The following ILDR1 variants were observed in gnomAD, a reference collection of about 807,000 sequenced individuals.
ILDR1 encodes the protein immunoglobulin like domain containing receptor 1.
In ILDR1, 56 loss-of-function variants were observed where a neutral mutation model predicts 62.4. The observed-to-expected ratio is 0.90, with a 90% CI of 0.72 to 1.12. The LOEUF (loss-of-function observed/expected upper bound fraction) is 1.12, where lower values mean the gene tolerates loss of function less well. Ranked by LOEUF, ILDR1 falls within the 50% of genes most tolerant of loss-of-function variation. ILDR1 has a pLI of 0.00. For synonymous variants in ILDR1, 284 were observed against 277.8 expected (o/e 1.02, Z -0.22); for missense variants, 736 against 710.6 (o/e 1.04, Z -0.41).
chr3:122,041,367 C>T, the ILDR1 span, among the ~76,000 whole-genome samples: 1 of 152,152 alleles, frequency 6.6e-6, no homozygotes, highest in South Asian at 2.1e-4. Flanking sequence ...TCACTGTCTC[C>T]CTGTCTTGCC....
chr3:122,017,496 A>C (rs1185329022), intron 1 of ILDR1, among the ~76,000 whole-genome samples: 1 of 152,224 alleles, frequency 6.6e-6, no homozygotes, highest in Non-Finnish European at 1.5e-5. Flanking sequence ...TTGGGGCAAG[A>C]TGTTTAAACA....
chr3:122,028,782 T>C, the ILDR1 span, among the ~76,000 whole-genome samples: 1 of 152,244 alleles, frequency 6.6e-6, no homozygotes, highest in Non-Finnish European at 1.5e-5. Flanking sequence ...TAGCTAAGTA[T>C]TGGCAAACAT....
the ILDR1 span, among the ~76,000 whole-genome samples, chr3:122,031,782 A>AT: frequency 4.6e-5 from 7 of 152,184 alleles, no homozygotes; most frequent in Non-Finnish European, 1.0e-4. Context: ...TGAGAAACAA[A>AT]TTTCTGTTGT....
Position 121,993,729 on chromosome 3 carries a change from T to C in ILDR1, c.1020A>G (p.Ser340=). 6.2e-7 allele frequency: 1 copy of C among 1,614,090 alleles called. No homozygotes were observed. Among genetic ancestry groups the C allele is most frequent in the Non-Finnish European group, 8.5e-7 (1 of 1,179,978 alleles). Residue 340 remains serine, a synonymous_variant, in exon 7 of 8, where the codon TCA becomes TCG. Coordinates refer to ENST00000344209, the MANE Select transcript of ILDR1 (RefSeq NM_001199799.2). ...GGGAGTCACTGGTCCTCCTTGAGGA[T>C]GACAGGTCTCTGATCAGTGGGGGCA... is the stretch of plus-strand genomic sequence containing the variant. The part of the protein sequence containing the change: ...IHLPPLIRDL[S]SSRRTSDSLH...
At chr3:122,023,483 C>A (rs1042906870), upstream of ILDR1, among the ~76,000 whole-genome samples, 2 of 152,094 alleles carry the variant, frequency 1.3e-5, no homozygotes, top group Non-Finnish European at 2.9e-5. Flanking sequence ...CCTTAGAAGT[C>A]GATATTTTTT....
the ILDR1 span, among the ~76,000 whole-genome samples, chr3:122,061,653 T>G: frequency 1.3e-5 from 2 of 152,194 alleles, no homozygotes; most frequent in Non-Finnish European, 2.9e-5. Flanking sequence ...ACTACCTACC[T>G]ATAAAAATGG....
the ILDR1 span, among the ~76,000 whole-genome samples, chr3:122,056,438 G>C: frequency 6.6e-6 from 1 of 152,154 alleles, no homozygotes; most frequent in African/African-American, 2.4e-5. Flanking sequence ...GGATTCAAAC[G>C]ATTCTCCTTC....
chr3:122,003,004 C>T (rs1321977417), intron 3 of ILDR1, among the ~76,000 whole-genome samples: 1 of 152,204 alleles, frequency 6.6e-6, no homozygotes, highest in East Asian at 1.9e-4. Context: ...TAAATATTCA[C>T]TAAAGCCCTT....
At chr3:122,044,389 G>T in the ILDR1 span, among the ~76,000 whole-genome samples, 2 of 136,160 alleles carry the variant, frequency 1.5e-5, no homozygotes, top group Admixed American at 1.4e-4. Context: ...TTTTTTGGTT[G>T]TGTCTCTGCC....
the ILDR1 span, among the ~76,000 whole-genome samples, chr3:122,053,984 GAAGA>G: frequency 6.6e-6 from 1 of 151,952 alleles, no homozygotes; most frequent in Non-Finnish European, 1.5e-5. Flanking sequence ...CAATAATTTT[GAAGA>G]TAGATAACTT....
At chr3:122,000,233 C>G (rs1178768744) in intron 5 of ILDR1, among the ~76,000 whole-genome samples, 1 of 148,932 alleles carries the variant, frequency 6.7e-6, no homozygotes, top group Non-Finnish European at 1.5e-5. Flanking sequence ...GAGATGGCAG[C>G]CAAAAATTAA....
intron 1 of ILDR1, among the ~76,000 whole-genome samples, chr3:122,018,683 A>T (rs2071813094): frequency 6.6e-6 from 1 of 152,120 alleles, no homozygotes; most frequent in African/African-American, 2.4e-5. Context: ...TTGGGTCCAG[A>T]TTTCCTTATC....
rs201639358 is a variant in ILDR1, at chr3:121,993,249, G to C, written c.1500C>G (p.His500Gln). Residue 500 changes from histidine to glutamine, a missense_variant, in exon 7 of 8, where the codon CAC becomes CAG. Coordinates refer to ENST00000344209, the MANE Select transcript of ILDR1 (RefSeq NM_001199799.2). ...GCTTCTCCTCGGGCCAGTGTGGGGA[G>C]TGCGAGCCGCGGCGGTGGGCCCGCC... ...QSWRAHRRGSHSPHWPEEKPP... is the reference protein window; with the variant it reads ...QSWRAHRRGSQSPHWPEEKPP... 1.9e-6 allele frequency: 3 copies of C among 1,613,824 alleles called. No homozygotes were observed. The East Asian group carries it at 6.7e-5, about 36-fold the overall frequency.
chr3:122,005,244 G>T lies in ILDR1; in HGVS notation c.379C>A (p.Arg127=), dbSNP rs1178942461. Residue 127 remains arginine (R), a splice_region_variant and synonymous_variant, in exon 3 of 8, where the codon CGA becomes AGA. Transcript: ENST00000344209. The part of the protein sequence containing the change: ...YRQRKITIQN[R]ADLVINEVMW... ...CCCCTGACACCTCCCCCGCACTCAC[G>T]GTTCTGGATGGTGATCTTGCGCTGC... 1 of 1,168,188 alleles carries T rather than the reference G, an allele frequency of 8.6e-7. No individual in the cohort carries two copies. The highest frequency in any genetic ancestry group is 2.0e-5 in the Admixed American group (1 of 49,952). The allele number at this position is 1,168,188 out of a possible 1,614,324, so 72.4% of individuals were successfully genotyped here. A position where few individuals can be genotyped will look rare whatever the true frequency, so the allele number is the denominator to read the frequency against.
At chr3:122,042,787 C>T in the ILDR1 span, among the ~76,000 whole-genome samples, 24 of 151,890 alleles carry the variant, frequency 1.6e-4, no homozygotes, top group East Asian at 3.9e-4. Context: ...GTAAATTTGT[C>T]TGAGTTCATT....
chr3:122,004,026 TA>T (rs71136546), intron 3 of ILDR1, among the ~76,000 whole-genome samples: 19,654 of 143,118 alleles, frequency 0.14, 1,341 homozygotes, highest in Middle Eastern at 0.22. Flanking sequence ...ATGCCGAATG[TA>T]AAAAAAAAAA....
At chr3:122,035,066 T>C in the ILDR1 span, among the ~76,000 whole-genome samples, 33 of 152,242 alleles carry the variant, frequency 2.2e-4, no homozygotes, top group African/African-American at 7.7e-4. Flanking sequence ...AAAAAATTCT[T>C]AGAAAGTTTT....
rs189306434 is a variant in ILDR1 at position 122,012,625 on chromosome 3, C to T, written c.59-5464G>A. Among the ~76,000 whole-genome samples the T allele has an allele frequency of 1.9e-3, 295 of 152,226 alleles. 1 individual carries two copies. Among genetic ancestry groups the T allele is most frequent in the Non-Finnish European group, 3.3e-3 (225 of 68,004 alleles). On this transcript the variant is annotated intron_variant, in intron 1 of 7. Coordinates refer to ENST00000344209, the MANE Select transcript of ILDR1 (RefSeq NM_001199799.2). ...CTATTGTTTTCCTTTGTATGCAAAA[C>T]TGAGATGAAGATAATACCTGCCTCA...
At chr3:122,045,855 G>T in the ILDR1 span, among the ~76,000 whole-genome samples, 3 of 150,586 alleles carry the variant, frequency 2.0e-5, no homozygotes, top group Non-Finnish European at 4.4e-5. Flanking sequence ...ACACTGATGG[G>T]TCTTGACTCT....
Sources: gnomAD v4.1 joint callset for allele counts (sites outside exome capture counted in the v4.1 genomes callset) on GRCh38, gnomAD v4.1.1 for gene constraint, MANE v1.5 for transcripts, NCBI Gene and HGNC (gene_info 2026-07-23, HGNC 2026-07-21) for gene names.